The following KRI1 variants were observed in gnomAD, a reference collection of about 807,000 sequenced individuals.
The protein encoded by KRI1 is KRI1 homolog, also known as protein KRI1 homolog.
Under a neutral mutation model 97.0 loss-of-function variants are expected in KRI1, and 83 were observed. The ratio of observed to expected loss-of-function variants is 0.86; its 90% CI spans 0.72 to 1.03. KRI1 has a LOEUF of 1.03. KRI1 is among the 50% of genes least tolerant of loss of function. KRI1 has a pLI of 0.00. For synonymous variants in KRI1, 371 were observed against 363.5 expected (o/e 1.02, Z -0.23); for missense variants, 916 against 928.4 (o/e 0.99, Z 0.17).
intron 2 of KRI1, 49 bp from the exon 3 acceptor site, chr19:10,565,083 G>A (rs201773098): frequency 4.9e-6 from 6 of 1,234,376 alleles, no homozygotes; most frequent in African/African-American, 1.5e-5. Flanking sequence ...GAGATAATAA[G>A]AGCCCTGGCG....
Position 10,561,788 on chromosome 19 carries a change from C to T in KRI1, c.438+3G>A, listed in dbSNP as rs1231329090. The T allele has an allele frequency of 1.2e-6, 2 of 1,613,968 alleles. No individual in the cohort carries two copies. The highest frequency in any genetic ancestry group is 3.3e-5 in the Admixed American group (2 of 59,982). ...CCCCCGACCCAGCCTTCACCCCACC[C>T]ACCTGGAGTCTGTGATTGGAAGTCT... On this transcript the variant is annotated splice_donor_region_variant and intron_variant, in intron 5 of 18. Coordinates refer to ENST00000312962, the MANE Select transcript of KRI1 (RefSeq NM_023008.5).
chr19:10,561,252 C>T lies in KRI1; in HGVS notation c.502G>A (p.Val168Met). The T allele has an allele frequency of 6.2e-7, 1 of 1,614,122 alleles. No individual in the cohort carries two copies. Among genetic ancestry groups the T allele is most frequent in the Non-Finnish European group, 8.5e-7 (1 of 1,180,026 alleles). ...CCGTCCTCGTCCTCACTGTCCTCCA[C>T]AAATGCCCGGAAGCTGCCCACGAGA... is the stretch of plus-strand genomic sequence containing the variant. ...KQLKESFRAF[V>M]EDSEDEDGAG... Residue 168 changes from valine to methionine, a missense_variant, in exon 7 of 19, where the codon GTG becomes ATG. Val to Met is a conservative substitution (Grantham distance 21, BLOSUM62 1). Coordinates refer to ENST00000312962, the MANE Select transcript of KRI1 (RefSeq NM_023008.5).
At chr19:10,558,723 T>G (rs1329162108) in intron 12 of KRI1, among the ~76,000 whole-genome samples, 1 of 151,938 alleles carries the variant, frequency 6.6e-6, no homozygotes, top group Non-Finnish European at 1.5e-5. Context: ...CTTTTTTTTT[T>G]GAGACAGCGT....
chr19:10,565,670 G>C, intron 2 of KRI1, 47 bp downstream of exon 2: 3 of 1,528,534 alleles, frequency 2.0e-6, no homozygotes, highest in Non-Finnish European at 2.6e-6. Context: ...GGTGCAGAGG[G>C]GGGCTTGGAC....
intron 16 of KRI1, among the ~76,000 whole-genome samples, chr19:10,556,906 G>A (rs1364739665): frequency 6.6e-6 from 1 of 151,682 alleles, no homozygotes; most frequent in African/African-American, 2.4e-5. Context: ...GGGAGGCTGA[G>A]GTAGGAGGAT....
chr19:10,554,432 T>A, intron 18 of KRI1, 151 bp from the exon 19 acceptor site: 1 of 674,784 alleles, frequency 1.5e-6, no homozygotes, highest in Non-Finnish European at 2.5e-6. Context: ...AGACCTGGGT[T>A]TCAGGCCAAA....
chr19:10,561,564 T>C, intron 6 of KRI1, 103 bp downstream of exon 6: 1 of 1,141,254 alleles, frequency 8.8e-7, no homozygotes, highest in Non-Finnish European at 1.3e-6. Flanking sequence ...ATGAGGAAAC[T>C]GAAGCACATA....
rs1435001167 is a variant in KRI1 at position 10,553,259 on chromosome 19, C to G, written c.*692G>C. 1 of 699,304 alleles carries G rather than the reference C, an allele frequency of 1.4e-6. No individual in the cohort carries two copies. The highest frequency in any genetic ancestry group is 2.6e-5 in the South Asian group (1 of 38,202). The allele number at this position is 699,304 out of a possible 1,614,324, so 43.3% of individuals were successfully genotyped here. On this transcript the variant is annotated 3_prime_UTR_variant, in exon 19 of 19. Coordinates refer to ENST00000312962, the MANE Select transcript of KRI1 (RefSeq NM_023008.5). Reference sequence around the variant, plus strand: ...AGCCCATACACCTGTCTCCCACCAGCGGGGCCCTCCTGGCAGGGTAGGGAA... The same window carrying G: ...AGCCCATACACCTGTCTCCCACCAGGGGGGCCCTCCTGGCAGGGTAGGGAA...
chr19:10,553,874 A>T lies in KRI1; in HGVS notation c.*77T>A. 8.4e-7 allele frequency: 1 copy of T among 1,183,978 alleles called. No individual in the cohort carries two copies. The highest frequency in any genetic ancestry group is 1.2e-6 in the Non-Finnish European group (1 of 862,972). The allele number at this position is 1,183,978 out of a possible 1,614,324, so 73.3% of individuals were successfully genotyped here. On this transcript the variant is annotated 3_prime_UTR_variant, in exon 19 of 19. Transcript: ENST00000312962. ...AGATGAGAGGATCTCTGCAGCAGAT[A>T]GTACTTGTGGGTGCGAGACCTGTCC... is the stretch of plus-strand genomic sequence containing the variant.
In KRI1 at chr19:10,554,198, C is replaced by G; in HGVS notation, c.1865G>C (p.Ser622Thr). The G allele has an allele frequency of 6.2e-7, 1 of 1,614,034 alleles. No homozygotes were observed. Among genetic ancestry groups the G allele is most frequent in the Non-Finnish European group, 8.5e-7 (1 of 1,180,034 alleles). ...TGGGGGACTCTCCGGCCCCATCAAG[C>G]TGCCATCAAGGGCTGGCAGCTGCCT... Reference protein sequence around the residue: ...PQRQLPALDGSLMGPESPPAQ... With the variant: ...PQRQLPALDGTLMGPESPPAQ... Residue 622 changes from serine (S) to threonine (T), a missense_variant, in exon 19 of 19, where the codon AGC (serine) becomes ACC (threonine). This residue lies in a region of KRI1 where 672 missense variants were observed against 667.2 expected (regional missense o/e 1.01). Coordinates refer to ENST00000312962, the MANE Select transcript of KRI1 (RefSeq NM_023008.5).
chr19:10,564,652 A>G (rs1216958155), intron 3 of KRI1, among the ~76,000 whole-genome samples: 2 of 152,206 alleles, frequency 1.3e-5, no homozygotes, highest in Non-Finnish European at 2.9e-5. Context: ...GGACACAGTC[A>G]TTAACTCCAC....
intron 2 of KRI1, 47 bp from the exon 3 acceptor site, chr19:10,565,081 A>C (rs769235425): frequency 2.4e-6 from 3 of 1,276,420 alleles, no homozygotes; most frequent in Non-Finnish European, 2.3e-6. Flanking sequence ...GGGAGATAAT[A>C]AGAGCCCTGG....
At chr19:10,561,617 C>T in intron 6 of KRI1, 50 bp downstream of exon 6, 1 of 1,587,746 alleles carries the variant, frequency 6.3e-7, no homozygotes, top group African/African-American at 1.3e-5. Flanking sequence ...TATCCAACCC[C>T]CGAGCCTCAA....
chr19:10,554,275 C>G lies in KRI1; in HGVS notation c.1788G>C (p.Glu596Asp), dbSNP rs766901503. 25 of 1,613,522 alleles carry G rather than the reference C, an allele frequency of 1.5e-5. No individual in the cohort carries two copies. The South Asian group carries it at 2.3e-4, about 15-fold the overall frequency. The change falls in exon 19 of 19, where the codon GAG becomes GAC. Residue 596 changes from glutamate to aspartate, a missense_variant. Transcript: ENST00000312962. ...GCTTCCCTGTGGCTTCCGCAGGTGT[C>G]TCTGCCCTGAGGGAGAAAAGTCAGG... ...VFKSLCREEA[E>D]TPAEATGKPQ...
chr19:10,559,728 C>T lies in KRI1; in HGVS notation c.928-20G>A. On this transcript the variant is annotated intron_variant, in intron 10 of 18. Transcript: ENST00000312962. ...CTTGACCTAGGCGCAATCAGAAAAG[C>T]CCACAAGGGCCGCAGAGATGATGTG... 1 of 1,614,048 alleles carries T rather than the reference C, an allele frequency of 6.2e-7. No homozygotes were observed. The highest frequency in any genetic ancestry group is 1.3e-5 in the African/African-American group (1 of 75,030).
In KRI1 at chr19:10,553,578, T is replaced by TTTC. The variant is rs1916384667; in HGVS notation, c.*372_*373insGAA. Reference sequence around the variant, plus strand: ...CCACAGCTACACGTGTTTTTTAATTTTTTTTTTTTTTTCAAGAGACAGGGT... The same window carrying TTTC: ...CCACAGCTACACGTGTTTTTTAATTTTTCTTTTTTTTTTTTCAAGAGACAGGGT... On this transcript the variant is annotated 3_prime_UTR_variant, in exon 19 of 19. Coordinates refer to ENST00000312962, the MANE Select transcript of KRI1 (RefSeq NM_023008.5). 1 of 186,250 alleles carries TTTC rather than the reference T, an allele frequency of 5.4e-6. No homozygotes were observed. The highest frequency in any genetic ancestry group is 1.7e-4 in the South Asian group (1 of 5,922). 11.5% of individuals were successfully genotyped at this position (186,250 alleles called of 1,614,324 possible).
chr19:10,559,009 CT>C (rs34402779), intron 12 of KRI1, among the ~76,000 whole-genome samples: 55,427 of 143,118 alleles, frequency 0.39, 11,586 homozygotes, highest in Non-Finnish European at 0.49. Context: ...CCGGCCAGGT[CT>C]TTTTTTTTTT....
Position 10,557,561 on chromosome 19 carries a change from G to A in KRI1, c.1608C>T (p.Ser536=), listed in dbSNP as rs942327753. The A allele has an allele frequency of 9.9e-6, 16 of 1,613,992 alleles. No homozygotes were observed. Among genetic ancestry groups the A allele is most frequent in the African/African-American group, 2.7e-5 (2 of 75,034 alleles). The change falls in exon 16 of 19, where the codon AGC becomes AGT. Residue 536 remains serine (S), a synonymous_variant. Coordinates refer to ENST00000312962, the MANE Select transcript of KRI1 (RefSeq NM_023008.5). ...TGCCCGGGGCCCCTACCTCCTCAGTGCTGAGGCCAAAGTCACAGGGCACCA... is the reference window on the plus strand; with the variant it reads ...TGCCCGGGGCCCCTACCTCCTCAGTACTGAGGCCAAAGTCACAGGGCACCA... The part of the protein sequence containing the change: ...RTVVPCDFGL[S]TEEILAADDK...
rs376025522 is a variant in KRI1, at chr19:10,565,071, G to C, written c.169-37C>G. The C allele has an allele frequency of 2.9e-4, 401 of 1,388,376 alleles. 2 individuals carry two copies. In the African/African-American group the frequency reaches 5.0e-3, roughly 17 times the overall value. 86.0% of individuals were successfully genotyped at this position (1,388,376 alleles called of 1,614,324 possible). ...AAAGGGTTGGGGATAGATTTCAGAA[G>C]GGAGATAATAAGAGCCCTGGCGCCA... is the stretch of plus-strand genomic sequence containing the variant. On this transcript the variant is annotated intron_variant, in intron 2 of 18. Transcript: ENST00000312962.
Sources: allele counts gnomAD v4.1 joint callset (sites outside exome capture counted in the v4.1 genomes callset), GRCh38; gene constraint gnomAD v4.1.1; regional missense constraint gnomAD v4.1.1; transcripts MANE v1.5; gene names NCBI Gene and HGNC (gene_info 2026-07-23, HGNC 2026-07-21).